The following CPQ variants were observed in gnomAD, a reference collection of about 807,000 sequenced individuals.
CPQ encodes Ser-Met dipeptidase.
Under a neutral mutation model 45.7 loss-of-function variants are expected in CPQ, and 37 were observed. The ratio of observed to expected loss-of-function variants is 0.81; its 90% CI spans 0.62 to 1.07. CPQ has a LOEUF of 1.07. Among genes scored for constraint, CPQ ranks in the 50% least tolerant of loss-of-function variants. CPQ has a pLI of 0.00. For synonymous variants in CPQ, 186 were observed against 205.8 expected, an observed-to-expected ratio of 0.90 and a Z score of 0.82; for missense variants, 537 against 572.9, an observed-to-expected ratio of 0.94 and a Z score of 0.64.
chr8:96,994,449 C>A (rs1006162109), intron 5 of CPQ, among the ~76,000 whole-genome samples: 1 of 152,100 alleles, frequency 6.6e-6, no homozygotes, highest in Admixed American at 6.6e-5. Context: ...GGGGTCTACC[C>A]AAGTCCATGT....
intron 1 of CPQ, among the ~76,000 whole-genome samples, chr8:96,740,218 A>C (rs1488317993): frequency 6.6e-6 from 1 of 151,920 alleles, no homozygotes. Flanking sequence ...TATTCTTTTT[A>C]AAGCAATTGT....
chr8:96,877,327 T>C (rs1404770893), intron 3 of CPQ, among the ~76,000 whole-genome samples: 2 of 152,158 alleles, frequency 1.3e-5, no homozygotes, highest in African/African-American at 4.8e-5. Context: ...AGCTGAGCCA[T>C]GGGTGCATGC....
intron 4 of CPQ, among the ~76,000 whole-genome samples, chr8:96,893,314 A>C (rs533653734): frequency 6.6e-6 from 1 of 152,236 alleles, no homozygotes. Flanking sequence ...TGCTTGTTGA[A>C]CAACTACTAT....
intron 1 of CPQ, among the ~76,000 whole-genome samples, chr8:96,681,457 C>G (rs1238876982): frequency 6.6e-6 from 1 of 152,172 alleles, no homozygotes; most frequent in Non-Finnish European, 1.5e-5. Context: ...TGTAGGTACA[C>G]AGAAGTCAAG....
chr8:96,753,505 T>TGATTTTC (rs1554563441), intron 1 of CPQ, among the ~76,000 whole-genome samples: 1 of 139,496 alleles, frequency 7.2e-6, no homozygotes, highest in Non-Finnish European at 1.7e-5. Flanking sequence ...TTTCCATTTG[T>TGATTTTC]TTAAGTTTTC....
chr8:96,979,050 T>TAAA (rs33942399), intron 5 of CPQ, among the ~76,000 whole-genome samples: 39 of 142,122 alleles, frequency 2.7e-4, no homozygotes, highest in East Asian at 1.6e-3. Context: ...TAGGAAGTGG[T>TAAA]AAAAAAAAAA....
chr8:96,731,479 C>A (rs946745802), intron 1 of CPQ, among the ~76,000 whole-genome samples: 7 of 152,054 alleles, frequency 4.6e-5, no homozygotes, highest in African/African-American at 1.7e-4. Context: ...TCCCTTTACT[C>A]ATGAGGGGTC....
At chr8:96,736,427 G>C (rs746696368) in intron 1 of CPQ, among the ~76,000 whole-genome samples, 49 of 152,112 alleles carry the variant, frequency 3.2e-4, no homozygotes, top group Non-Finnish European at 6.3e-4. Context: ...AATCCACATG[G>C]TGTCTTTTCA....
At chr8:96,905,164 AAGAG>A (rs940852036) in intron 4 of CPQ, among the ~76,000 whole-genome samples, 1 of 151,620 alleles carries the variant, frequency 6.6e-6, no homozygotes. Flanking sequence ...TGACAGGAGA[AAGAG>A]AGAGAGAGAG....
chr8:96,708,118 A>G (rs1356875451), intron 1 of CPQ, among the ~76,000 whole-genome samples: 3 of 151,932 alleles, frequency 2.0e-5, no homozygotes, highest in Admixed American at 6.6e-5. Flanking sequence ...CTTCCAAGCC[A>G]TCAATGTTGC....
chr8:97,135,990 A>G (rs758264139), intron 7 of CPQ, among the ~76,000 whole-genome samples: 2 of 152,208 alleles, frequency 1.3e-5, no homozygotes, highest in Non-Finnish European at 2.9e-5. Context: ...CCATCTCTTC[A>G]GGAATTAGCA....
chr8:96,730,458 T>G (rs1159151313), intron 1 of CPQ, among the ~76,000 whole-genome samples: 1 of 152,092 alleles, frequency 6.6e-6, no homozygotes. Context: ...TGGGAGAAGC[T>G]GATGACAGGC....
intron 4 of CPQ, among the ~76,000 whole-genome samples, chr8:96,950,715 T>G (rs2130336571): frequency 6.6e-6 from 1 of 152,268 alleles, no homozygotes; most frequent in South Asian, 2.1e-4. Flanking sequence ...AATATGTAAT[T>G]AAATTCTAAA....
At chr8:97,110,992 T>C (rs1811490070) in intron 7 of CPQ, among the ~76,000 whole-genome samples, 1 of 152,196 alleles carries the variant, frequency 6.6e-6, no homozygotes, top group Non-Finnish European at 1.5e-5. Context: ...TGGCAAGTGA[T>C]ACAAATTATT....
At chr8:96,914,575 G>T (rs1190097418) in intron 4 of CPQ, among the ~76,000 whole-genome samples, 1 of 152,096 alleles carries the variant, frequency 6.6e-6, no homozygotes, top group Non-Finnish European at 1.5e-5. Flanking sequence ...TGCAGCTTTG[G>T]CATTCTTTTT....
At chr8:97,108,184 A>G (rs1353378459) in intron 7 of CPQ, among the ~76,000 whole-genome samples, 9 of 152,234 alleles carry the variant, frequency 5.9e-5, no homozygotes, top group Admixed American at 5.9e-4. Context: ...TTTTAAGTAT[A>G]TAAAGTACTA....
At chr8:97,041,520 T>A (rs181267895) in intron 6 of CPQ, among the ~76,000 whole-genome samples, 24 of 152,340 alleles carry the variant, frequency 1.6e-4, no homozygotes, top group African/African-American at 5.3e-4. Flanking sequence ...TCCAACACTA[T>A]GCTGAATAGG....
At chr8:96,654,669 G>A (rs1190061802) in intron 1 of CPQ, among the ~76,000 whole-genome samples, 2 of 152,154 alleles carry the variant, frequency 1.3e-5, no homozygotes, top group Non-Finnish European at 2.9e-5. Context: ...ATTTTAAAAG[G>A]CATTCCCTTA....
At chr8:96,871,531 G>GTTTT (rs529360931) in intron 3 of CPQ, among the ~76,000 whole-genome samples, 1 of 107,018 alleles carries the variant, frequency 9.3e-6, no homozygotes, top group African/African-American at 3.5e-5. Context: ...TTGCTTCCAG[G>GTTTT]TTTTTTTTTT....
Sources: allele counts gnomAD v4.1 joint callset (sites outside exome capture counted in the v4.1 genomes callset), GRCh38; gene constraint gnomAD v4.1.1; transcripts MANE v1.5; gene names NCBI Gene and HGNC (gene_info 2026-07-23, HGNC 2026-07-21).